MALRD1: variants seen among roughly 807,000 people sequenced by gnomAD.
MALRD1 encodes the protein MAM and LDL receptor class A domain containing 1, also known as MAM and LDL-receptor class A domain-containing protein 1.
A neutral mutation model predicts 242.1 loss-of-function variants in MALRD1; 247 were observed. The ratio of observed to expected loss-of-function variants is 1.02; its 90% CI spans 0.92 to 1.13. The LOEUF (loss-of-function observed/expected upper bound fraction) is 1.13, where lower values mean the gene tolerates loss of function less well. MALRD1 is among the 50% of genes most tolerant of loss of function. MALRD1 has a pLI of 0.00. For missense variants in MALRD1, 2,989 were observed against 2,533.1 expected, an observed-to-expected ratio of 1.18 and a Z score of -3.86; for synonymous variants, 995 against 866.6, an observed-to-expected ratio of 1.15 and a Z score of -2.60.
chr10:19,387,392 G>A (rs1846126657), intron 26 of MALRD1, 136 bp from the exon 27 acceptor site: 1 of 982,642 alleles, frequency 1.0e-6, no homozygotes, highest in Non-Finnish European at 1.5e-6. Context: ...GAGAGAGATG[G>A]GGTTCAGGTA....
chr10:19,385,807 A>T (rs889407212), intron 26 of MALRD1, among the ~76,000 whole-genome samples: 26 of 151,912 alleles, frequency 1.7e-4, no homozygotes, highest in Non-Finnish European at 3.5e-4. Context: ...TTTTCTGTCA[A>T]ATAAAGTTAG....
Position 19,734,431 on chromosome 10 carries a change from A to G in MALRD1, c.*194A>G, listed in dbSNP as rs558679594. The G allele has an allele frequency of 9.4e-4, 376 of 399,836 alleles. No individual in the cohort carries two copies. Among genetic ancestry groups the G allele is most frequent in the Admixed American group, 1.4e-3 (32 of 22,634 alleles). 24.8% of individuals were successfully genotyped at this position (399,836 alleles called of 1,614,324 possible). ...TATATGGAATCAGAATCAGTACCTT[A>G]TCTTCACTGAACATCTGAATATTTT... is the stretch of plus-strand genomic sequence containing the variant. On this transcript the variant is annotated 3_prime_UTR_variant, in exon 40 of 40. Transcript: ENST00000454679.
At chr10:19,148,784 A>T (rs1405269989) in intron 11 of MALRD1, among the ~76,000 whole-genome samples, 1,350 of 63,598 alleles carry the variant, frequency 0.021, 21 homozygotes, top group African/African-American at 0.061. Context: ...AAAAAAAAAA[A>T]AAAAATATAT....
chr10:19,573,702 C>A (rs1389205452), intron 33 of MALRD1, among the ~76,000 whole-genome samples: 1 of 152,244 alleles, frequency 6.6e-6, no homozygotes, highest in Non-Finnish European at 1.5e-5. Context: ...GTTGCATTAA[C>A]CACTTCACGC....
chr10:19,454,198 A>C (rs1475109372), intron 29 of MALRD1, among the ~76,000 whole-genome samples: 1 of 151,950 alleles, frequency 6.6e-6, no homozygotes, highest in Non-Finnish European at 1.5e-5. Flanking sequence ...ATATGCAACA[A>C]AATTAAATGA....
chr10:19,397,429 A>G (rs1846632277), intron 28 of MALRD1, among the ~76,000 whole-genome samples: 1 of 152,108 alleles, frequency 6.6e-6, no homozygotes, highest in East Asian at 1.9e-4. Context: ...CATTTTTTTA[A>G]TGGATGAGTA....
intron 28 of MALRD1, among the ~76,000 whole-genome samples, chr10:19,447,031 C>G (rs527285792): frequency 1.6e-4 from 23 of 145,726 alleles, no homozygotes; most frequent in African/African-American, 5.9e-4. Context: ...TAAAAAGTTT[C>G]TCTGTTAGGA....
intron 10 of MALRD1, among the ~76,000 whole-genome samples, chr10:19,137,896 CA>C (rs1434245129): frequency 6.6e-6 from 1 of 152,158 alleles, no homozygotes; most frequent in Admixed American, 6.5e-5. Flanking sequence ...GTATCACAAA[CA>C]GGTGGTTTTT....
chr10:19,339,256 G>A (rs1843733739), intron 24 of MALRD1, among the ~76,000 whole-genome samples: 1 of 151,950 alleles, frequency 6.6e-6, no homozygotes, highest in Non-Finnish European at 1.5e-5. Flanking sequence ...TTCTATTTCT[G>A]AGGTTTAAAA....
At chr10:19,686,100 A>G (rs1319280468) in intron 36 of MALRD1, among the ~76,000 whole-genome samples, 3 of 152,190 alleles carry the variant, frequency 2.0e-5, no homozygotes, top group Admixed American at 6.5e-5. Context: ...ACCGAGGGGC[A>G]TAAGACAGAG....
At chr10:19,136,528 A>T in intron 9 of MALRD1, 46 bp from the exon 10 acceptor site, 1 of 1,099,126 alleles carries the variant, frequency 9.1e-7, no homozygotes, top group East Asian at 3.2e-5. Flanking sequence ...TTTTTGTCTT[A>T]TTAAGGAGAT....
chr10:19,187,234 C>G (rs74118835), intron 14 of MALRD1, among the ~76,000 whole-genome samples: 1 of 151,826 alleles, frequency 6.6e-6, no homozygotes, highest in African/African-American at 2.4e-5. Context: ...TAGCTGGGGA[C>G]AGACTGACCC....
At position 19,170,337 on chromosome 10, in the gene MALRD1, G is replaced by T. The variant is rs1834868915; in HGVS notation, c.1830+4527G>T. On this transcript the variant is annotated intron_variant, in intron 13 of 39. Coordinates refer to ENST00000454679, the MANE Select transcript of MALRD1 (RefSeq NM_001142308.3). ...TTGTGCTGTTTTAGTATCTCAAGGT[G>T]GCACTTTTTCTGAGTAGTCCATTGA... Among the ~76,000 whole-genome samples, 3 of 151,960 alleles carry T rather than the reference G, an allele frequency of 2.0e-5. No homozygotes were observed. In the South Asian group the frequency reaches 6.2e-4, roughly 31 times the overall value.
intron 28 of MALRD1, among the ~76,000 whole-genome samples, chr10:19,431,283 G>A (rs567632013): frequency 1.5e-4 from 23 of 152,086 alleles, no homozygotes; most frequent in Admixed American, 7.2e-4. Context: ...TTGTTTTAGC[G>A]TAAGGTTCAT....
At chr10:19,697,888 A>G (rs1833450488) in intron 38 of MALRD1, among the ~76,000 whole-genome samples, 1 of 151,862 alleles carries the variant, frequency 6.6e-6, no homozygotes, top group African/African-American at 2.4e-5. Context: ...CCTGTTTTTA[A>G]AAGTATTTTC....
chr10:19,531,761 T>C (rs1186122678), intron 32 of MALRD1, among the ~76,000 whole-genome samples: 1 of 152,146 alleles, frequency 6.6e-6, no homozygotes, highest in Non-Finnish European at 1.5e-5. Flanking sequence ...TAAGTATATA[T>C]CAGCTCACAG....
At chr10:19,254,667 T>C (rs1223602494) in intron 18 of MALRD1, among the ~76,000 whole-genome samples, 2 of 151,950 alleles carry the variant, frequency 1.3e-5, no homozygotes, top group Non-Finnish European at 2.9e-5. Flanking sequence ...TGTATCTTCA[T>C]ATAAAATACA....
intron 21 of MALRD1, among the ~76,000 whole-genome samples, chr10:19,315,182 A>ATG (rs1842608916): frequency 8.4e-5 from 11 of 131,468 alleles, no homozygotes; most frequent in African/African-American, 2.8e-4. Flanking sequence ...TTATATAAAT[A>ATG]TATAAATATA....
At chr10:19,117,434 T>C (rs1301927091) in intron 5 of MALRD1, among the ~76,000 whole-genome samples, 1 of 151,368 alleles carries the variant, frequency 6.6e-6, no homozygotes, top group Non-Finnish European at 1.5e-5. Flanking sequence ...TTTTTGTTTA[T>C]AGTACTTCTG....
Sources: gnomAD v4.1 joint callset for allele counts (sites outside exome capture counted in the v4.1 genomes callset) on GRCh38, gnomAD v4.1.1 for gene constraint, MANE v1.5 for transcripts, NCBI Gene and HGNC (gene_info 2026-07-23, HGNC 2026-07-21) for gene names.